CERS6: variants seen among roughly 807,000 people sequenced by gnomAD.
The protein encoded by CERS6 is ceramide synthase 6.
Under a neutral mutation model 56.8 loss-of-function variants are expected in CERS6, and 26 were observed. The observed-to-expected ratio is 0.46, with a 90% CI of 0.34 to 0.63. CERS6 has a LOEUF of 0.63. Among genes scored for constraint, CERS6 ranks in the 30% least tolerant of loss-of-function variants. The pLI, the probability that CERS6 is intolerant of heterozygous loss-of-function variation, is 0.01. For synonymous variants in CERS6, 164 were observed against 173.3 expected (o/e 0.95, Z 0.42); for missense variants, 415 against 467.5 (o/e 0.89, Z 1.04).
At chr2:168,536,032 G>A (rs766333618) in intron 1 of CERS6, among the ~76,000 whole-genome samples, 2 of 152,086 alleles carry the variant, frequency 1.3e-5, no homozygotes, top group Admixed American at 6.6e-5. Flanking sequence ...ATGTAGAAGA[G>A]TCTGGAAATT....
intron 1 of CERS6, among the ~76,000 whole-genome samples, chr2:168,488,464 G>C (rs1694312565): frequency 6.6e-6 from 1 of 152,012 alleles, no homozygotes; most frequent in Non-Finnish European, 1.5e-5. Flanking sequence ...TATTTAAAAT[G>C]GGTTTCTTGT....
chr2:168,624,695 A>G (rs1006817828), intron 3 of CERS6, among the ~76,000 whole-genome samples: 4 of 152,210 alleles, frequency 2.6e-5, no homozygotes, highest in Non-Finnish European at 5.9e-5. Context: ...CAATTACTTC[A>G]TGTCCAAACT....
chr2:168,556,991 C>CAAAAA (rs71003046), intron 2 of CERS6, among the ~76,000 whole-genome samples: 14 of 82,310 alleles, frequency 1.7e-4, no homozygotes, highest in South Asian at 5.1e-4. Context: ...CTTGTCTCTA[C>CAAAAA]AAAAAAAAAA....
At chr2:168,611,487 A>G (rs1684186375) in intron 3 of CERS6, among the ~76,000 whole-genome samples, 1 of 152,232 alleles carries the variant, frequency 6.6e-6, no homozygotes, top group African/African-American at 2.4e-5. Context: ...TGTGGCTATA[A>G]AATACCAGAA....
intron 2 of CERS6, among the ~76,000 whole-genome samples, chr2:168,549,576 A>T (rs1445629306): frequency 6.6e-6 from 1 of 152,236 alleles, no homozygotes; most frequent in Non-Finnish European, 1.5e-5. Context: ...CGGAGGTTGC[A>T]GTGAGCAGAG....
At chr2:168,537,274 A>G (rs760917201) in intron 1 of CERS6, among the ~76,000 whole-genome samples, 3 of 152,098 alleles carry the variant, frequency 2.0e-5, no homozygotes, top group Non-Finnish European at 4.4e-5. Context: ...GCTATTTACC[A>G]TTTTCCCTCT....
chr2:168,564,357 G>A (rs955652755), intron 3 of CERS6, among the ~76,000 whole-genome samples: 2 of 152,092 alleles, frequency 1.3e-5, no homozygotes, highest in African/African-American at 2.4e-5. Context: ...TTAATTCTTT[G>A]TAAATTCGCC....
intron 3 of CERS6, among the ~76,000 whole-genome samples, chr2:168,576,788 G>A (rs564080775): frequency 6.6e-6 from 1 of 152,266 alleles, no homozygotes; most frequent in South Asian, 2.1e-4. Flanking sequence ...CTGTTTGAGT[G>A]GAGGCCTCAG....
At chr2:168,709,545 G>A (rs1371991256) in intron 6 of CERS6, among the ~76,000 whole-genome samples, 1 of 152,066 alleles carries the variant, frequency 6.6e-6, no homozygotes, top group Admixed American at 6.6e-5. Context: ...AAACAATATG[G>A]TAGAATAGCA....
In CERS6 at chr2:168,709,669, T is replaced by C. The variant is rs531424806; in HGVS notation, c.610-5332T>C. 2.0e-5 allele frequency among the ~76,000 whole-genome samples: 3 copies of C among 152,276 alleles called. No homozygotes were observed. The South Asian group carries it at 6.2e-4, about 32-fold the overall frequency. ...AAGAAATCACAGTCTCTCTCTTTAA[T>C]TGCAGTTATAGAAAATGCAGGAAAA... On this transcript the variant is annotated intron_variant, in intron 6 of 9. Coordinates refer to ENST00000305747, the MANE Select transcript of CERS6 (RefSeq NM_203463.3).
intron 4 of CERS6, among the ~76,000 whole-genome samples, chr2:168,663,516 G>A (rs13027236): frequency 0.64 from 97,259 of 151,966 alleles, 31,814 homozygotes; most frequent in Non-Finnish European, 0.71. Context: ...CCAGAGTGCT[G>A]GGATTATAGG....
intron 1 of CERS6, among the ~76,000 whole-genome samples, chr2:168,516,084 A>G (rs751328604): frequency 5.9e-5 from 9 of 152,310 alleles, no homozygotes; most frequent in East Asian, 5.8e-4. Flanking sequence ...TCCTTCTTGC[A>G]GGTAGTTTCC....
intron 3 of CERS6, among the ~76,000 whole-genome samples, chr2:168,578,940 T>C (rs982528634): frequency 7.9e-5 from 12 of 152,144 alleles, no homozygotes; most frequent in African/African-American, 2.9e-4. Flanking sequence ...AATCAGAGAC[T>C]TATATATAAA....
chr2:168,595,525 T>C (rs574201017), intron 3 of CERS6, among the ~76,000 whole-genome samples: 1 of 152,340 alleles, frequency 6.6e-6, no homozygotes, highest in African/African-American at 2.4e-5. Flanking sequence ...TTTTTAATCC[T>C]GAATCTCCTT....
chr2:168,691,005 T>G, intron 4 of CERS6, 29 bp from the exon 5 acceptor site: 1 of 1,601,030 alleles, frequency 6.2e-7, no homozygotes, highest in Non-Finnish European at 8.6e-7. Context: ...TTCTAAAATA[T>G]GTAAAATATT....
intron 3 of CERS6, among the ~76,000 whole-genome samples, chr2:168,605,733 G>A (rs1300163750): frequency 2.6e-5 from 4 of 152,226 alleles, no homozygotes; most frequent in African/African-American, 4.8e-5. Context: ...TACAGCTTGA[G>A]ATGTTGCTTC....
At chr2:168,574,219 A>C (rs1401497792) in intron 3 of CERS6, among the ~76,000 whole-genome samples, 1 of 152,218 alleles carries the variant, frequency 6.6e-6, no homozygotes, top group Non-Finnish European at 1.5e-5. Flanking sequence ...GATTGATTTA[A>C]AAATAAAATA....
chr2:168,520,034 T>G (rs935889649), intron 1 of CERS6, among the ~76,000 whole-genome samples: 5 of 152,222 alleles, frequency 3.3e-5, no homozygotes, highest in African/African-American at 7.2e-5. Context: ...TAAACTAATT[T>G]GCATCCCCAG....
chr2:168,760,748 T>TTATA (rs988763118), intron 8 of CERS6, among the ~76,000 whole-genome samples: 4 of 147,442 alleles, frequency 2.7e-5, no homozygotes, highest in African/African-American at 1.0e-4. Context: ...GTTTATTTAT[T>TTATA]TATTTATTTA....
Sources: allele counts gnomAD v4.1 joint callset (sites outside exome capture counted in the v4.1 genomes callset), GRCh38; gene constraint gnomAD v4.1.1; transcripts MANE v1.5; gene names NCBI Gene and HGNC (gene_info 2026-07-23, HGNC 2026-07-21).